Variants in HACD2 observed in about 807,000 individuals in gnomAD.
HACD2 encodes 3-hydroxyacyl-CoA dehydratase 2.
HACD2 carries 15 observed loss-of-function variants against 31.0 expected under a neutral mutation model. That is an observed-to-expected ratio of 0.48 (90% CI 0.32 to 0.75). HACD2 has a LOEUF of 0.75. Ranked by LOEUF, HACD2 falls within the 30% of genes least tolerant of loss-of-function variation. The pLI is 0.03. For synonymous variants in HACD2, 115 were observed against 122.2 expected, an observed-to-expected ratio of 0.94 and a Z score of 0.39; for missense variants, 283 against 313.0, an observed-to-expected ratio of 0.90 and a Z score of 0.72.
intron 3 of HACD2, among the ~76,000 whole-genome samples, chr3:123,540,025 A>G (rs2056470501): frequency 6.7e-6 from 1 of 149,406 alleles, no homozygotes; most frequent in East Asian, 1.9e-4. Context: ...CTGAGGCTAC[A>G]ATGAGCCATG....
chr3:123,500,471 A>G lies in HACD2; in HGVS notation c.682+44T>C, dbSNP rs548920086. ...AAAGATATTTAGTTATTGTAGAGCCAAATTTTAAAACATAATTAAATATAC... is the reference window on the plus strand; with the variant it reads ...AAAGATATTTAGTTATTGTAGAGCCGAATTTTAAAACATAATTAAATATAC... On this transcript the variant is annotated intron_variant, in intron 6 of 6. Transcript: ENST00000383657. 117 of 1,370,734 alleles carry G rather than the reference A, an allele frequency of 8.5e-5. 2 individuals carry two copies. In the South Asian group the frequency reaches 1.5e-3, roughly 18 times the overall value. 84.9% of individuals were successfully genotyped at this position (1,370,734 alleles called of 1,614,324 possible).
intron 3 of HACD2, among the ~76,000 whole-genome samples, chr3:123,562,630 T>C (rs1049375679): frequency 1.4e-4 from 21 of 152,204 alleles, no homozygotes; most frequent in African/African-American, 4.8e-4. Context: ...TCATGCATTT[T>C]TCCATTTAAT....
chr3:123,528,601 A>G (rs1310255361), intron 3 of HACD2, 127 bp from the exon 4 acceptor site: 3 of 640,812 alleles, frequency 4.7e-6, no homozygotes, highest in Non-Finnish European at 8.3e-6. Flanking sequence ...AAAGGTGTCT[A>G]TATTGTTACA....
chr3:123,514,468 C>T (rs1032687141), intron 4 of HACD2, among the ~76,000 whole-genome samples: 1 of 151,984 alleles, frequency 6.6e-6, no homozygotes, highest in Non-Finnish European at 1.5e-5. Context: ...TCCGGGGGTA[C>T]AATGAGAAGG....
intron 2 of HACD2, among the ~76,000 whole-genome samples, chr3:123,575,267 C>T (rs762402630): frequency 6.6e-6 from 1 of 151,940 alleles, no homozygotes; most frequent in Non-Finnish European, 1.5e-5. Flanking sequence ...CCACTGTATC[C>T]GGCTAATTTT....
chr3:123,550,405 C>T (rs2056607620), intron 3 of HACD2, among the ~76,000 whole-genome samples: 2 of 152,022 alleles, frequency 1.3e-5, no homozygotes, highest in East Asian at 3.9e-4. Flanking sequence ...TAGAAAAATA[C>T]AGAGAAAGAA....
chr3:123,578,481 G>A (rs548239966), intron 2 of HACD2, among the ~76,000 whole-genome samples: 1 of 152,146 alleles, frequency 6.6e-6, no homozygotes. Flanking sequence ...ATGTTTCCCA[G>A]GATGGTCTTG....
At chr3:123,574,235 G>A (rs1377300098) in intron 2 of HACD2, among the ~76,000 whole-genome samples, 2 of 152,192 alleles carry the variant, frequency 1.3e-5, no homozygotes, top group African/African-American at 4.8e-5. Flanking sequence ...TGTGAACTAA[G>A]GTTCTCTTCA....
intron 4 of HACD2, among the ~76,000 whole-genome samples, chr3:123,510,955 G>GT (rs111653163): frequency 3.2e-3 from 423 of 133,236 alleles, no homozygotes; most frequent in African/African-American, 5.9e-3. Context: ...GTTTTTTTTT[G>GT]TTTTTTTTTT....
chr3:123,528,509 CT>C (rs1251639363), intron 3 of HACD2, 35 bp from the exon 4 acceptor site: 2 of 1,202,222 alleles, frequency 1.7e-6, no homozygotes, highest in Non-Finnish European at 1.2e-6. Flanking sequence ...AATAAATGTA[CT>C]GTACTAAGTT....
At chr3:123,530,527 G>A (rs1033018149) in intron 3 of HACD2, among the ~76,000 whole-genome samples, 3 of 151,284 alleles carry the variant, frequency 2.0e-5, no homozygotes, top group African/African-American at 4.9e-5. Flanking sequence ...TCCTGCCTCC[G>A]CCTCCCGAGT....
chr3:123,540,190 T>A (rs975490837), intron 3 of HACD2, among the ~76,000 whole-genome samples: 7 of 152,266 alleles, frequency 4.6e-5, no homozygotes, highest in South Asian at 2.1e-4. Context: ...TCTAGTTCAC[T>A]GGATGTACTT....
intron 2 of HACD2, among the ~76,000 whole-genome samples, chr3:123,576,691 A>AT (rs746194231): frequency 6.6e-6 from 1 of 152,246 alleles, no homozygotes; most frequent in Non-Finnish European, 1.5e-5. Context: ...AAGGAAAAAT[A>AT]TAACAGACAA....
intron 3 of HACD2, among the ~76,000 whole-genome samples, chr3:123,542,446 C>T (rs1392385983): frequency 6.6e-6 from 1 of 152,166 alleles, no homozygotes; most frequent in Non-Finnish European, 1.5e-5. Context: ...CAAATGGGCA[C>T]AATCCTTTGG....
intron 4 of HACD2, among the ~76,000 whole-genome samples, chr3:123,512,584 G>A (rs1422023553): frequency 2.0e-5 from 3 of 152,190 alleles, no homozygotes; most frequent in Non-Finnish European, 4.4e-5. Context: ...GGTGACAGGT[G>A]GAAGAGATGG....
chr3:123,515,576 A>G (rs192272534), intron 4 of HACD2, among the ~76,000 whole-genome samples: 62 of 152,244 alleles, frequency 4.1e-4, no homozygotes, highest in Non-Finnish European at 8.1e-4. Flanking sequence ...GCTCGAGAAC[A>G]GGGCAGTTCT....
chr3:123,559,094 C>G (rs76892364), intron 3 of HACD2, among the ~76,000 whole-genome samples: 1,774 of 152,294 alleles, frequency 0.012, 38 homozygotes, highest in African/African-American at 0.04. Context: ...AGTCATCAGA[C>G]AGTGATAGAA....
chr3:123,578,409 T>C (rs1338961647), intron 2 of HACD2, among the ~76,000 whole-genome samples: 1 of 152,192 alleles, frequency 6.6e-6, no homozygotes, highest in East Asian at 1.9e-4. Flanking sequence ...TAGCTGGGAC[T>C]ACAGGCATGT....
rs11391480 is a variant in HACD2 at position 123,542,146 on chromosome 3, CAAAAA to C, written c.293-13677_293-13673del. On this transcript the variant is annotated intron_variant, in intron 3 of 6. Transcript: ENST00000383657. The stretch of plus-strand genomic sequence containing the variant: ...TGGGCGACAGAGCGAGACTCCGTCT[CAAAAA>C]AAAAAAAAAAAAAAAAAAAAGAATA... 5.4e-4 allele frequency among the ~76,000 whole-genome samples: 22 copies of C among 41,104 alleles called. No individual in the cohort carries two copies. The East Asian group carries it at 0.018, about 34-fold the overall frequency. 27.0% of individuals were successfully genotyped at this position (41,104 alleles called of 152,430 possible). A position where few individuals can be genotyped will look rare whatever the true frequency, so the allele number is the denominator to read the frequency against.
Sources: allele counts gnomAD v4.1 joint callset (sites outside exome capture counted in the v4.1 genomes callset), GRCh38; gene constraint gnomAD v4.1.1; transcripts MANE v1.5; gene names NCBI Gene and HGNC (gene_info 2026-07-23, HGNC 2026-07-21).